Variants in CCDC28B observed in about 807,000 individuals in gnomAD.
CCDC28B encodes coiled-coil domain containing 28B.
CCDC28B carries 17 observed loss-of-function variants against 18.7 expected under a neutral mutation model. The ratio of observed to expected loss-of-function variants is 0.91; its 90% CI spans 0.62 to 1.36. The LOEUF (loss-of-function observed/expected upper bound fraction) is 1.36. Among genes scored for constraint, CCDC28B ranks in the 40% most tolerant of loss-of-function variants. The pLI is 0.00. For synonymous variants in CCDC28B, 116 were observed against 105.1 expected, an observed-to-expected ratio of 1.10 and a Z score of -0.64; for missense variants, 213 against 251.7, an observed-to-expected ratio of 0.85 and a Z score of 1.04.
intron 1 of CCDC28B, 25 bp downstream of exon 1, chr1:32,200,734 G>C (rs1458958022): frequency 6.6e-6 from 1 of 152,288 alleles, no homozygotes; most frequent in Non-Finnish European, 1.5e-5. Context: ...GAGGGAGTGA[G>C]GGCGGGGGCG....
upstream of CCDC28B, among the ~76,000 whole-genome samples, chr1:32,199,267 T>C (rs971321218): frequency 1.3e-5 from 2 of 152,170 alleles, no homozygotes; most frequent in Non-Finnish European, 2.9e-5. Flanking sequence ...CCACAATGAC[T>C]GTGACAGTCC....
At chr1:32,202,659 C>A in intron 2 of CCDC28B, 1 of 228,840 alleles carries the variant, frequency 4.4e-6, no homozygotes, top group Non-Finnish European at 8.9e-6. Flanking sequence ...GCCTAAGGGG[C>A]ATGAAGCTCA....
chr1:32,204,797 A>T, intron 5 of CCDC28B, 177 bp downstream of exon 5: 1 of 1,597,144 alleles, frequency 6.3e-7, no homozygotes, highest in Non-Finnish European at 8.5e-7. Flanking sequence ...CCCCAAAATT[A>T]GAAGAAAAGT....
chr1:32,199,328 C>G (rs746043142), upstream of CCDC28B, among the ~76,000 whole-genome samples: 2 of 152,126 alleles, frequency 1.3e-5, no homozygotes, highest in Non-Finnish European at 2.9e-5. Flanking sequence ...GTTTTCCATG[C>G]TGGCCATGTT....
At chr1:32,201,678 A>G in intron 1 of CCDC28B, 1 of 340,932 alleles carries the variant, frequency 2.9e-6, no homozygotes, top group Non-Finnish European at 5.3e-6. Context: ...CCACCCTTTC[A>G]GGAGGGGCCT....
upstream of CCDC28B, among the ~76,000 whole-genome samples, chr1:32,199,685 C>G (rs972859235): frequency 3.9e-5 from 6 of 152,216 alleles, no homozygotes; most frequent in African/African-American, 1.4e-4. Context: ...CTCCCCACAT[C>G]AGCCAAGAGG....
chr1:32,204,691 C>CA (rs1643262771), intron 5 of CCDC28B, 71 bp downstream of exon 5: 1 of 1,614,060 alleles, frequency 6.2e-7, no homozygotes, highest in African/African-American at 1.3e-5. Flanking sequence ...TCCAGCCCTC[C>CA]AGGAGTATTC....
chr1:32,204,558 C>T, intron 4 of CCDC28B, 40 bp from the exon 5 acceptor site: 1 of 1,536,116 alleles, frequency 6.5e-7, no homozygotes, highest in Non-Finnish European at 8.7e-7. Flanking sequence ...GGCCTGGTTC[C>T]CCTCCTAACA....
In CCDC28B at chr1:32,205,336, G is replaced by A; in HGVS notation, c.*88G>A. 7.6e-7 allele frequency: 1 copy of A among 1,320,622 alleles called. No homozygotes were observed. 81.8% of individuals were successfully genotyped at this position (1,320,622 alleles called of 1,614,324 possible). A position where few individuals can be genotyped will look rare whatever the true frequency, so the allele number is the denominator to read the frequency against. The stretch of plus-strand genomic sequence containing the variant: ...CGGGCGGGTGTTCTGCGGCCCCCCA[G>A]GTGCTATGGGGGAGGGGGGCGTTGA... On this transcript the variant is annotated 3_prime_UTR_variant, in exon 6 of 6. Transcript: ENST00000373602. The surrounding 1 kb of genome is among the most constrained non-coding windows in gnomAD (Gnocchi z 5.6).
Position 32,205,112 on chromosome 1 carries a change from A to G in CCDC28B, c.549-82A>G. The G allele has an allele frequency of 6.5e-7, 1 of 1,538,656 alleles. No homozygotes were observed. Reference sequence around the variant, plus strand: ...TCGTCCCCGGCCCTTTGCACAGGTGAGGGAACTAAACCTGTGCAAGATGGG... The same window carrying G: ...TCGTCCCCGGCCCTTTGCACAGGTGGGGGAACTAAACCTGTGCAAGATGGG... On this transcript the variant is annotated intron_variant, in intron 5 of 5. Coordinates refer to ENST00000373602, the MANE Select transcript of CCDC28B (RefSeq NM_024296.5). This position sits in a 1 kb window ranked among gnomAD's most constrained non-coding sequence, Gnocchi z 5.6.
rs751519072 is a variant in CCDC28B at position 32,203,966 on chromosome 1, G to A, written c.252G>A (p.Glu84=). Residue 84 remains glutamate, a synonymous_variant, in exon 3 of 6, where the codon GAG becomes GAA. Coordinates refer to ENST00000373602, the MANE Select transcript of CCDC28B (RefSeq NM_024296.5). ...GTPLQHSFLT[E]VTDVYEMEGG... Reference sequence around the variant, plus strand: ...CCCTGCAGCACTCCTTCCTGACCGAGGTGACTGATGTCTATGAGATGGAGG... The same window carrying A: ...CCCTGCAGCACTCCTTCCTGACCGAAGTGACTGATGTCTATGAGATGGAGG... 2 of 1,581,016 alleles carry A rather than the reference G, an allele frequency of 1.3e-6. No individual in the cohort carries two copies. The highest frequency in any genetic ancestry group is 4.5e-5 in the East Asian group (2 of 44,518).
intron 2 of CCDC28B, chr1:32,202,666 C>A: frequency 4.7e-6 from 1 of 213,606 alleles, no homozygotes; most frequent in Non-Finnish European, 9.6e-6. Flanking sequence ...GGGCATGAAG[C>A]TCAAGGCTGT....
chr1:32,198,872 A>G (rs1243395670), upstream of CCDC28B, among the ~76,000 whole-genome samples: 1 of 152,238 alleles, frequency 6.6e-6, no homozygotes, highest in African/African-American at 2.4e-5. Flanking sequence ...GATAGGCTCC[A>G]GCAGTAAGGC....
At chr1:32,201,359 T>A (rs1569656680) in intron 1 of CCDC28B, among the ~76,000 whole-genome samples, 1 of 152,100 alleles carries the variant, frequency 6.6e-6, no homozygotes, top group East Asian at 1.9e-4. Context: ...GATGCCGGTG[T>A]CTATGTGGGG....
At chr1:32,197,698 G>T (rs1490517135), upstream of CCDC28B, 2 of 152,258 alleles carry the variant, frequency 1.3e-5, no homozygotes, top group Non-Finnish European at 2.9e-5. The surrounding 1 kb of genome is among the most constrained non-coding windows in gnomAD (Gnocchi z 4.6). Flanking sequence ...TTCCTCCAGG[G>T]GACCACAGCA....
At chr1:32,201,060 G>GTT (rs933234180) in intron 1 of CCDC28B, among the ~76,000 whole-genome samples, 14 of 135,490 alleles carry the variant, frequency 1.0e-4, no homozygotes, top group African/African-American at 3.2e-4. Context: ...AGAATTCGAA[G>GTT]TTAGGCTCGG....
At chr1:32,203,336 T>A (rs773635870) in intron 2 of CCDC28B, among the ~76,000 whole-genome samples, 44 of 151,388 alleles carry the variant, frequency 2.9e-4, no homozygotes, top group Non-Finnish European at 3.5e-4. Context: ...CAGGCGCCCA[T>A]AATGCCAGCA....
At chr1:32,202,258 T>C in intron 2 of CCDC28B, 159 bp downstream of exon 2, 1 of 941,052 alleles carries the variant, frequency 1.1e-6, no homozygotes, top group Non-Finnish European at 1.7e-6. Flanking sequence ...ACCCAGTCCC[T>C]ACCCTCAACT....
At chr1:32,198,286 CTTGT>C (rs1643068148), upstream of CCDC28B, 1 of 152,298 alleles carries the variant, frequency 6.6e-6, no homozygotes, top group Admixed American at 6.5e-5. Flanking sequence ...TGTTGCCTTA[CTTGT>C]TTCTCTCCTG....
Sources: allele counts gnomAD v4.1 joint callset (sites outside exome capture counted in the v4.1 genomes callset), GRCh38; gene constraint gnomAD v4.1.1; non-coding constraint Gnocchi (gnomAD v3.1); transcripts MANE v1.5; gene names NCBI Gene and HGNC (gene_info 2026-07-23, HGNC 2026-07-21).